The following AGT variants were observed in gnomAD, a reference collection of about 807,000 sequenced individuals.
AGT encodes alpha-1 antiproteinase, antitrypsin.
Under a neutral mutation model 28.1 loss-of-function variants are expected in AGT, and 26 were observed. That is an observed-to-expected ratio of 0.92 (90% CI 0.68 to 1.28). The LOEUF (loss-of-function observed/expected upper bound fraction) is 1.28, where lower values mean the gene tolerates loss of function less well. Ranked by LOEUF, AGT falls within the 50% of genes most tolerant of loss-of-function variation. The pLI, the probability that AGT is intolerant of heterozygous loss-of-function variation, is 0.00. For synonymous variants in AGT, 259 were observed against 259.6 expected, an observed-to-expected ratio of 1.00 and a Z score of 0.02; for missense variants, 596 against 592.3, an observed-to-expected ratio of 1.01 and a Z score of -0.06.
upstream of AGT, among the ~76,000 whole-genome samples, chr1:230,718,999 G>A (rs962200504): frequency 6.6e-6 from 1 of 152,154 alleles, no homozygotes; most frequent in Non-Finnish European, 1.5e-5. Flanking sequence ...GGAGTGCTGG[G>A]ATTAAGACAT....
chr1:230,737,548 G>A (rs1486091090), intron 1 of AGT, among the ~76,000 whole-genome samples: 1 of 152,088 alleles, frequency 6.6e-6, no homozygotes, highest in African/African-American at 2.4e-5. Context: ...CTGACCTGAG[G>A]TGATCCACCT....
intron 1 of AGT, among the ~76,000 whole-genome samples, chr1:230,722,598 G>T (rs924742790): frequency 4.6e-5 from 7 of 152,236 alleles, no homozygotes; most frequent in Non-Finnish European, 8.8e-5. Flanking sequence ...GGACCTTGCT[G>T]CTTGCATCAG....
At position 230,735,241 on chromosome 1, in the gene AGT, C is replaced by T. The variant is rs949562845; in HGVS notation, c.-31+10274G>A. On this transcript the variant is annotated intron_variant, in intron 1 of 4. Coordinates refer to the AGT transcript ENST00000681269. ...ACTACCTCCCAGAGCATGGAAATCTCGCCCCGACTGCAGCGGGAGAAGGGG... is the reference window on the plus strand; with the variant it reads ...ACTACCTCCCAGAGCATGGAAATCTTGCCCCGACTGCAGCGGGAGAAGGGG... Among the ~76,000 whole-genome samples, 18 of 152,224 alleles carry T rather than the reference C, an allele frequency of 1.2e-4. 1 individual carries two copies. Among genetic ancestry groups the T allele is most frequent in the African/African-American group, 4.1e-4 (17 of 41,550 alleles).
chr1:230,705,835 C>T, intron 3 of AGT, 98 bp downstream of exon 3: 4 of 1,525,996 alleles, frequency 2.6e-6, no homozygotes, highest in Non-Finnish European at 3.6e-6. Flanking sequence ...TGCTCTGCAC[C>T]CAAGGCTCAG....
At chr1:230,716,578 G>C (rs11568047), upstream of AGT, among the ~76,000 whole-genome samples, 979 of 152,260 alleles carry the variant, frequency 6.4e-3, 3 homozygotes, top group Non-Finnish European at 9.1e-3. Flanking sequence ...TTCTGATGCT[G>C]TTCTTGTGAT....
At chr1:230,744,210 A>C (rs1392868731) in intron 1 of AGT, among the ~76,000 whole-genome samples, 1 of 152,230 alleles carries the variant, frequency 6.6e-6, no homozygotes, top group African/African-American at 2.4e-5. Flanking sequence ...CTTAGATTGC[A>C]TGGCTGCAGT....
chr1:230,703,048 C>T lies in AGT; in HGVS notation c.*93G>A. ...GTGGGAGACTGGGGGTGACACATCG[C>T]TGATTTGTCCGGGGTTGTTATCTGC... On this transcript the variant is annotated 3_prime_UTR_variant, in exon 5 of 5. Coordinates refer to ENST00000366667, the MANE Select transcript of AGT (RefSeq NM_001384479.1). The T allele has an allele frequency of 2.1e-6, 3 of 1,403,838 alleles. No individual in the cohort carries two copies. Among genetic ancestry groups the T allele is most frequent in the Non-Finnish European group, 3.0e-6 (3 of 1,013,686 alleles). The allele number at this position is 1,403,838 out of a possible 1,614,324, so 87.0% of individuals were successfully genotyped here. A position where few individuals can be genotyped will look rare whatever the true frequency, so the allele number is the denominator to read the frequency against.
intron 1 of AGT, among the ~76,000 whole-genome samples, chr1:230,721,345 A>G (rs543521235): frequency 1.3e-5 from 2 of 152,224 alleles, no homozygotes; most frequent in Non-Finnish European, 2.9e-5. Context: ...GCAAAGAATG[A>G]TAGAAAACAC....
At position 230,710,259 on chromosome 1, in the gene AGT, C is replaced by A; in HGVS notation, c.565G>T (p.Asp189Tyr). The change falls in exon 2 of 5, where the codon GAT becomes TAT. Residue 189 changes from aspartate to tyrosine, a missense_variant. Transcript: ENST00000366667. ...GACAGCAGCAGCTGGGCCTGGCTAT[C>A]AGCCCTGCCCTGGGCCACTAGCAGG... ...QGLLVAQGRA[D>Y]SQAQLLLSTV... is the part of the protein sequence containing the mutation. 6.2e-7 allele frequency: 1 copy of A among 1,613,716 alleles called. No individual in the cohort carries two copies.
chr1:230,736,250 G>A (rs748416890), intron 1 of AGT, among the ~76,000 whole-genome samples: 13 of 152,080 alleles, frequency 8.5e-5, no homozygotes, highest in African/African-American at 2.7e-4. Flanking sequence ...TCAGCTGGGC[G>A]CGGTGGCTCA....
intron 1 of AGT, among the ~76,000 whole-genome samples, chr1:230,723,815 C>T (rs764872714): frequency 6.6e-6 from 1 of 152,094 alleles, no homozygotes; most frequent in Non-Finnish European, 1.5e-5. Context: ...GTATTGAGCT[C>T]CTCTAAGAAA....
chr1:230,710,368 G>A lies in AGT; in HGVS notation c.456C>T (p.Ile152=). The change falls in exon 2 of 5, where the codon ATC becomes ATT. Residue 152 remains isoleucine, a synonymous_variant. Coordinates refer to ENST00000366667, the MANE Select transcript of AGT (RefSeq NM_001384479.1). ...TCTTGTCCTTCCAAGGAACACCCAG[G>A]ATTGCCTGTAGCCTGTCAGCTGTGT... ...LDHTADRLQA[I]LGVPWKDKNC... is the part of the protein sequence containing the mutation. 1.9e-6 allele frequency: 3 copies of A among 1,614,206 alleles called. No individual in the cohort carries two copies. Among genetic ancestry groups the A allele is most frequent in the Non-Finnish European group, 2.5e-6 (3 of 1,180,040 alleles).
At position 230,705,792 on chromosome 1, in the gene AGT, C is replaced by T. The variant is rs1237434624; in HGVS notation, c.1097+141G>A. The T allele has an allele frequency of 2.0e-5, 21 of 1,071,280 alleles. No homozygotes were observed. In the Admixed American group the frequency reaches 2.7e-4, roughly 14 times the overall value. The allele number at this position is 1,071,280 out of a possible 1,614,324, so 66.4% of individuals were successfully genotyped here. ...GACTGGTAGACAGACACACAGGCCG[C>T]CTGCCCAGCCCCGTGCCACCGCGGC... On this transcript the variant is annotated intron_variant, in intron 3 of 4. Transcript: ENST00000366667.
intron 1 of AGT, among the ~76,000 whole-genome samples, chr1:230,734,891 TG>T (rs1461260585): frequency 6.6e-6 from 1 of 151,862 alleles, no homozygotes; most frequent in Non-Finnish European, 1.5e-5. Flanking sequence ...TTTTTTTGTA[TG>T]TTTAGTAGAG....
intron 2 of AGT, among the ~76,000 whole-genome samples, chr1:230,709,784 T>C (rs1056057883): frequency 9.2e-5 from 14 of 152,234 alleles, no homozygotes; most frequent in Non-Finnish European, 1.8e-4. Context: ...GGATGTTGTA[T>C]AGTCGTGCAC....
At chr1:230,740,888 G>T (rs538666293) in intron 1 of AGT, among the ~76,000 whole-genome samples, 2 of 152,172 alleles carry the variant, frequency 1.3e-5, no homozygotes, top group Non-Finnish European at 2.9e-5. Context: ...GGTGGGTTAC[G>T]GTGAGCCAAG....
In AGT at chr1:230,710,120, A is replaced by G; in HGVS notation, c.704T>C (p.Leu235Pro). 1 of 1,614,166 alleles carries G rather than the reference A, an allele frequency of 6.2e-7. No homozygotes were observed. The highest frequency in any genetic ancestry group is 8.5e-7 in the Non-Finnish European group (1 of 1,180,032). Reference sequence around the variant, plus strand: ...GTCAATCTTCTCAGCAGCAACATCCAGTTCTGTGAAGTCCAGAGAGCGTGG... The same window carrying G: ...GTCAATCTTCTCAGCAGCAACATCCGGTTCTGTGAAGTCCAGAGAGCGTGG... ...VLPRSLDFTE[L>P]DVAAEKIDRF... The change falls in exon 2 of 5, where the codon CTG (leucine) becomes CCG (proline). Residue 235 changes from leucine (L) to proline (P), a missense_variant. By Grantham distance (98) the Leu-to-Pro change is moderately conservative. Coordinates refer to ENST00000366667, the MANE Select transcript of AGT (RefSeq NM_001384479.1).
intron 1 of AGT, among the ~76,000 whole-genome samples, chr1:230,725,900 G>C (rs1460846567): frequency 6.6e-6 from 1 of 152,182 alleles, no homozygotes; most frequent in East Asian, 1.9e-4. Flanking sequence ...CCATTCCACA[G>C]AGACCTAAAT....
At chr1:230,741,716 G>A (rs1262332932) in intron 1 of AGT, among the ~76,000 whole-genome samples, 1 of 152,216 alleles carries the variant, frequency 6.6e-6, no homozygotes, top group Non-Finnish European at 1.5e-5. Flanking sequence ...AGGGAAGCAA[G>A]GTCTGGGTGA....
Sources: allele counts gnomAD v4.1 joint callset (sites outside exome capture counted in the v4.1 genomes callset), GRCh38; gene constraint gnomAD v4.1.1; transcripts MANE v1.5; gene names NCBI Gene and HGNC (gene_info 2026-07-23, HGNC 2026-07-21).